TFEC: variants seen among roughly 807,000 people sequenced by gnomAD.
TFEC encodes the protein transcription factor EC.
In TFEC, 31 loss-of-function variants were observed where a neutral mutation model predicts 41.6. The ratio of observed to expected loss-of-function variants is 0.74; its 90% CI spans 0.56 to 1.01. The LOEUF (loss-of-function observed/expected upper bound fraction) is 1.01, where lower values mean the gene tolerates loss of function less well. TFEC is among the 50% of genes least tolerant of loss of function. TFEC has a pLI of 0.00. For missense variants in TFEC, 402 were observed against 404.1 expected (o/e 0.99, Z 0.04); for synonymous variants, 143 against 140.6 (o/e 1.02, Z -0.12).
At chr7:115,995,795 T>C (rs975584778) in intron 1 of TFEC, among the ~76,000 whole-genome samples, 1 of 152,066 alleles carries the variant, frequency 6.6e-6, no homozygotes, top group Non-Finnish European at 1.5e-5. Context: ...GCAGCGACTG[T>C]GGAACTTTGC....
chr7:115,961,950 C>T (rs1792578335), intron 3 of TFEC, among the ~76,000 whole-genome samples: 1 of 151,712 alleles, frequency 6.6e-6, no homozygotes, highest in African/African-American at 2.4e-5. Flanking sequence ...CACATGCACA[C>T]ACGCACATAC....
At chr7:116,067,336 T>C (rs1183684439) in intron 3 of TFEC, among the ~76,000 whole-genome samples, 1 of 152,084 alleles carries the variant, frequency 6.6e-6, no homozygotes, top group African/African-American at 2.4e-5. Flanking sequence ...AATTTGAGAA[T>C]ATCTGCAATG....
At chr7:115,944,013 ATTTTTTTTTTTTTTT>A (rs1160114562) in intron 6 of TFEC, among the ~76,000 whole-genome samples, 1 of 22,830 alleles carries the variant, frequency 4.4e-5, no homozygotes, top group African/African-American at 1.2e-4. Context: ...ACAGGTCTGA[ATTTTTTTTTTTTTTT>A]TTTTTTTTTT....
At chr7:115,973,643 T>C (rs1406529450) in intron 3 of TFEC, among the ~76,000 whole-genome samples, 2 of 152,054 alleles carry the variant, frequency 1.3e-5, no homozygotes, top group Non-Finnish European at 2.9e-5. Context: ...AACATAGAAG[T>C]CTTTCTACAT....
At chr7:116,090,047 T>C (rs960242678) in intron 3 of TFEC, among the ~76,000 whole-genome samples, 32 of 152,130 alleles carry the variant, frequency 2.1e-4, no homozygotes, top group African/African-American at 7.7e-4. Flanking sequence ...CTTCCTAGAA[T>C]GGAATTGAAA....
intron 3 of TFEC, among the ~76,000 whole-genome samples, chr7:116,080,976 AGTGTGTGTGTGTGT>A (rs60317630): frequency 2.8e-4 from 38 of 138,014 alleles, no homozygotes; most frequent in South Asian, 4.8e-4. Flanking sequence ...AAGAAAATGT[AGTGTGTGTGTGTGT>A]GTGTGTGTGT....
chr7:116,016,482 A>T (rs1349961124), intron 1 of TFEC, among the ~76,000 whole-genome samples: 1 of 152,202 alleles, frequency 6.6e-6, no homozygotes, highest in Non-Finnish European at 1.5e-5. Context: ...GCTCACATGC[A>T]GTGACTTGAA....
At chr7:116,000,911 A>G (rs1284141143) in intron 1 of TFEC, among the ~76,000 whole-genome samples, 1 of 152,022 alleles carries the variant, frequency 6.6e-6, no homozygotes, top group African/African-American at 2.4e-5. Context: ...ATCCCTATCA[A>G]AATACTAATG....
upstream of TFEC, among the ~76,000 whole-genome samples, chr7:116,033,180 G>A (rs990345607): frequency 1.4e-4 from 21 of 151,620 alleles, no homozygotes; most frequent in Non-Finnish European, 2.4e-4. Context: ...CTCACTCCTC[G>A]CATTTAAATG....
intron 3 of TFEC, among the ~76,000 whole-genome samples, chr7:116,042,302 T>C (rs189889478): frequency 6.6e-6 from 1 of 152,264 alleles, no homozygotes; most frequent in East Asian, 1.9e-4. Flanking sequence ...AGAATTGCAT[T>C]GTATATGAAG....
chr7:116,110,826 T>C (rs1797837508), exon 3 of TFEC: 1 of 1,548,648 alleles, frequency 6.5e-7, no homozygotes, highest in Admixed American at 2.0e-5. Flanking sequence ...ACTGATTTCC[T>C]GGCTGATTTG....
At chr7:115,996,686 C>G (rs1203327939) in intron 1 of TFEC, among the ~76,000 whole-genome samples, 1 of 152,024 alleles carries the variant, frequency 6.6e-6, no homozygotes, top group Non-Finnish European at 1.5e-5. Context: ...ATTCTCTTGG[C>G]CAGAGGGAAG....
intron 3 of TFEC, among the ~76,000 whole-genome samples, chr7:116,069,993 A>G (rs1234332440): frequency 6.6e-6 from 1 of 151,510 alleles, no homozygotes; most frequent in Non-Finnish European, 1.5e-5. Flanking sequence ...TGTATAAAAC[A>G]ATGTTAAATA....
intron 1 of TFEC, among the ~76,000 whole-genome samples, chr7:116,117,898 T>C (rs1016362914): frequency 6.6e-6 from 1 of 151,824 alleles, no homozygotes; most frequent in African/African-American, 2.4e-5. Context: ...TAAAATATGG[T>C]AAATTTCCTT....
intron 1 of TFEC, among the ~76,000 whole-genome samples, chr7:116,120,987 A>G (rs1050424109): frequency 2.0e-5 from 3 of 152,000 alleles, no homozygotes; most frequent in Non-Finnish European, 2.9e-5. Context: ...GTAAAAATAA[A>G]AGTAGGTTGC....
intron 4 of TFEC, among the ~76,000 whole-genome samples, 163 bp downstream of exon 4, chr7:115,956,516 T>TA (rs561164300): frequency 6.6e-6 from 1 of 152,130 alleles, no homozygotes; most frequent in South Asian, 2.1e-4. Flanking sequence ...TATTTTAACT[T>TA]ACTGCTTGAT....
chr7:115,956,578 T>C (rs148703968), intron 4 of TFEC, 101 bp downstream of exon 4: 2 of 624,932 alleles, frequency 3.2e-6, no homozygotes, highest in Non-Finnish European at 4.8e-6. Context: ...TTTGTAACTG[T>C]TTTGTTATAC....
chr7:116,152,152 T>C (rs1311908057), intron 1 of TFEC, among the ~76,000 whole-genome samples: 2 of 152,134 alleles, frequency 1.3e-5, no homozygotes, highest in African/African-American at 4.8e-5. Context: ...AGGACTCCCA[T>C]TGCCAGCCAA....
chr7:115,975,365 T>A (rs1490604032), intron 2 of TFEC, among the ~76,000 whole-genome samples: 1 of 152,126 alleles, frequency 6.6e-6, no homozygotes, highest in East Asian at 1.9e-4. Context: ...TTTCCCATGA[T>A]ATATGCAGAT....
Sources: allele counts gnomAD v4.1 joint callset (sites outside exome capture counted in the v4.1 genomes callset), GRCh38; gene constraint gnomAD v4.1.1; transcripts MANE v1.5; gene names NCBI Gene and HGNC (gene_info 2026-07-23, HGNC 2026-07-21).